TTN: variants seen among roughly 807,000 people sequenced by gnomAD.
The protein encoded by TTN is connectin.
In TTN, 1,525 loss-of-function variants were observed where a neutral mutation model predicts 3,223.0. The observed-to-expected ratio is 0.47, with a 90% CI of 0.45 to 0.49. TTN has a LOEUF of 0.49. Ranked by LOEUF, TTN falls within the 20% of genes least tolerant of loss-of-function variation. TTN has a pLI of 0.00. For missense variants in TTN, 40,786 were observed against 43,424.0 expected, an observed-to-expected ratio of 0.94 and a Z score of 5.40; for synonymous variants, 14,094 against 15,161.0, an observed-to-expected ratio of 0.93 and a Z score of 5.17.
intron 350 of TTN, among the ~76,000 whole-genome samples, chr2:178,540,813 CAAAAG>C (rs1559099047): frequency 2.0e-5 from 3 of 151,942 alleles, no homozygotes; most frequent in African/African-American, 7.3e-5. Flanking sequence ...CACAAAAAAA[CAAAAG>C]AAAGAAAAAA....
At chr2:178,637,342 T>A in intron 224 of TTN, 27 bp downstream of exon 224, 1 of 1,440,356 alleles carries the variant, frequency 6.9e-7, no homozygotes, top group Non-Finnish European at 9.1e-7. Context: ...AAGGTTACAA[T>A]GCAAGTACTA....
Position 178,771,347 on chromosome 2 carries a change from T to C in TTN, c.7980A>G (p.Pro2660=). 6.2e-7 allele frequency: 1 copy of C among 1,614,100 alleles called. No homozygotes were observed. Among genetic ancestry groups the C allele is most frequent in the South Asian group, 1.1e-5 (1 of 91,086 alleles). Residue 2660 remains proline, a synonymous_variant, in exon 34 of 363, where the codon CCA becomes CCG. Transcript: ENST00000589042. ...GEWLRDGKHL[P]LTNNIRSESD... Reference sequence around the variant, plus strand: ...ACTCACTTCTGATGTTGTTAGTCAGTGGTAGGTGTTTGCCATCCCTCAACC... The same window carrying C: ...ACTCACTTCTGATGTTGTTAGTCAGCGGTAGGTGTTTGCCATCCCTCAACC...
rs780885701 is a variant in TTN at position 178,551,746 on chromosome 2, C to G, written c.91154G>C (p.Arg30385Thr). ...CAGACCTTCTACCAGTCCAGTGGCT[C>G]TATATTCTCTTCCAGAGATTGGTGA... Reference protein sequence around the residue: ...NTSPISGREYRATGLVEGLDY... With the variant: ...NTSPISGREYTATGLVEGLDY... The change falls in exon 335 of 363, where the codon AGA (arginine) becomes ACA (threonine). Residue 30385 changes from arginine (R) to threonine (T), a missense_variant. Arg to Thr is a moderately conservative substitution (Grantham distance 71, BLOSUM62 -1). Transcript: ENST00000589042. 2 of 1,613,834 alleles carry G rather than the reference C, an allele frequency of 1.2e-6. No individual in the cohort carries two copies. Among genetic ancestry groups the G allele is most frequent in the East Asian group, 4.5e-5 (2 of 44,872 alleles).
rs1559843233 is a variant in TTN, at chr2:178,617,761, C to G, written c.47572+18G>C. ...TGGATTTCATGCAGTAATTATTTCCCTTTTTTGATGGGCTTACCAATTGGA... is the reference window on the plus strand; with the variant it reads ...TGGATTTCATGCAGTAATTATTTCCGTTTTTTGATGGGCTTACCAATTGGA... On this transcript the variant is annotated intron_variant, in intron 253 of 362. Transcript: ENST00000589042. 1 of 1,610,528 alleles carries G rather than the reference C, an allele frequency of 6.2e-7. No individual in the cohort carries two copies. Among genetic ancestry groups the G allele is most frequent in the South Asian group, 1.1e-5 (1 of 90,504 alleles).
intron 6 of TTN, among the ~76,000 whole-genome samples, chr2:178,797,550 C>T (rs1023987764): frequency 2.6e-5 from 4 of 152,016 alleles, no homozygotes; most frequent in Non-Finnish European, 5.9e-5. Flanking sequence ...TCCCCCAGAT[C>T]CATTTCTTTT....
chr2:178,635,301 C>T lies in TTN; in HGVS notation c.41888G>A (p.Arg13963His), dbSNP rs540582993. ...TATTGGTTTAAGCAGTTCAACTTCA[C>T]GCTCTGTATTGGTCAGGGATGAAGT... ...RYPAKLTLGE[R>H]EVELLKPIED... The change falls in exon 228 of 363, where the codon CGT becomes CAT. Residue 13963 changes from arginine to histidine, a missense_variant. By Grantham distance (29) the Arg-to-His change is conservative. Transcript: ENST00000589042. 1.4e-5 allele frequency: 23 copies of T among 1,612,912 alleles called. No homozygotes were observed. Among genetic ancestry groups the T allele is most frequent in the East Asian group, 4.5e-5 (2 of 44,738 alleles).
chr2:178,779,734 G>GAACTC, intron 22 of TTN: 1 of 533,790 alleles, frequency 1.9e-6, no homozygotes, highest in Non-Finnish European at 3.3e-6. Context: ...TGGCATGAAT[G>GAACTC]AACTCAGCTG....
Position 178,662,375 on chromosome 2 carries a change from C to G in TTN, c.37002G>C (p.Val12334=). The G allele has an allele frequency of 6.8e-7, 1 of 1,476,912 alleles. No homozygotes were observed. The highest frequency in any genetic ancestry group is 2.5e-4 in the Middle Eastern group (1 of 4,068). The allele number at this position is 1,476,912 out of a possible 1,614,324, so 91.5% of individuals were successfully genotyped here. ...PQEATEKEIP[V]APPKKPEAPI... ...GAGCTTCTGGTTTTTTGGGTGGAGC[C>G]ACGGGAATTTCTTTTTCTGTGGCTT... Residue 12334 remains valine, a synonymous_variant, in exon 177 of 363, where the codon GTG becomes GTC. Coordinates refer to ENST00000589042, the MANE Select transcript of TTN (RefSeq NM_001267550.2).
Position 178,657,871 on chromosome 2 carries a change from TA to T in TTN, c.37873+9del. The T allele has an allele frequency of 1.2e-6, 1 of 857,770 alleles. No individual in the cohort carries two copies. Among genetic ancestry groups the T allele is most frequent in the South Asian group, 2.0e-5 (1 of 48,964 alleles). The allele number at this position is 857,770 out of a possible 1,614,324, so 53.1% of individuals were successfully genotyped here. A position where few individuals can be genotyped will look rare whatever the true frequency, so the allele number is the denominator to read the frequency against. ...TTCTTCTGCAGAAAAAGGACAGGGG[TA>T]AAAAATACCTGTGGCAGGTGGGGCT... is the stretch of plus-strand genomic sequence containing the variant. On this transcript the variant is annotated intron_variant, in intron 187 of 362. Transcript: ENST00000589042.
chr2:178,797,839 CT>C (rs1331432724), intron 6 of TTN, among the ~76,000 whole-genome samples: 1 of 151,898 alleles, frequency 6.6e-6, no homozygotes, highest in African/African-American at 2.4e-5. Flanking sequence ...TTTTTAAAAG[CT>C]TTCACCCATA....
rs772987736 is a variant in TTN at position 178,741,779 on chromosome 2, A to G, written c.11454T>C (p.Thr3818=). The change falls in exon 48 of 363, where the codon ACT becomes ACC. Residue 3818 remains threonine (T), a synonymous_variant. Transcript: ENST00000589042. ...PTKFDSEKEG[T]GPIFIKEVSN... is the part of the protein sequence containing the mutation. ...ACACTTCTTTGATGAAAATTGGGCC[A>G]GTGCCTTCCTTTTCGGAATCAAATT... 3 of 1,613,552 alleles carry G rather than the reference A, an allele frequency of 1.9e-6. No homozygotes were observed. Among genetic ancestry groups the G allele is most frequent in the Non-Finnish European group, 2.5e-6 (3 of 1,179,714 alleles).
At position 178,561,475 on chromosome 2, in the gene TTN, A is replaced by G. The variant is rs1703637065; in HGVS notation, c.84657T>C (p.Leu28219=). The part of the protein sequence containing the change: ...IADTQMKVSG[L]DEGLMYEYRV... ...GATACTCATACATCAGTCCTTCATC[A>G]AGGCCGGAGACTTTCATTTGAGTAT... Residue 28219 remains leucine (L), a synonymous_variant, in exon 326 of 363, where the codon CTT becomes CTC. Coordinates refer to ENST00000589042, the MANE Select transcript of TTN (RefSeq NM_001267550.2). The G allele has an allele frequency of 6.2e-7, 1 of 1,613,654 alleles. No individual in the cohort carries two copies. Among genetic ancestry groups the G allele is most frequent in the African/African-American group, 1.3e-5 (1 of 74,920 alleles).
At chr2:178,752,521 G>A (rs757230411) in intron 47 of TTN, among the ~76,000 whole-genome samples, 1 of 151,964 alleles carries the variant, frequency 6.6e-6, no homozygotes, top group Non-Finnish European at 1.5e-5. Flanking sequence ...ATGAGAAGGC[G>A]TTTATTCGAA....
intron 153 of TTN, 50 bp downstream of exon 153, chr2:178,672,585 T>G (rs1355490432): frequency 6.2e-7 from 1 of 1,608,314 alleles, no homozygotes; most frequent in East Asian, 2.2e-5. Flanking sequence ...CATAAAAGTC[T>G]TAACGAAAAA....
intron 6 of TTN, among the ~76,000 whole-genome samples, chr2:178,796,436 A>C (rs1401335707): frequency 1.3e-5 from 2 of 152,204 alleles, no homozygotes; most frequent in African/African-American, 4.8e-5. Context: ...GAGTACCCTA[A>C]CAGTACATTA....
chr2:178,675,220 T>A, intron 149 of TTN, 107 bp from the exon 150 acceptor site: 1 of 634,366 alleles, frequency 1.6e-6, no homozygotes, highest in Non-Finnish European at 2.7e-6. Context: ...ACAAGGCACA[T>A]ACACAAGATG....
At position 178,695,840 on chromosome 2, in the gene TTN, A is replaced by C. The variant is rs1378787406; in HGVS notation, c.31207+25T>G. 4.4e-6 allele frequency: 6 copies of C among 1,371,280 alleles called. No homozygotes were observed. The South Asian group carries it at 1.3e-4, about 30-fold the overall frequency. 84.9% of individuals were successfully genotyped at this position (1,371,280 alleles called of 1,614,324 possible). A position where few individuals can be genotyped will look rare whatever the true frequency, so the allele number is the denominator to read the frequency against. ...TGAGCAAAAATGAAGAAAAGAGGGA[A>C]ACAAGTCATTCAGTTTATACATACC... On this transcript the variant is annotated intron_variant, in intron 114 of 362. Coordinates refer to ENST00000589042, the MANE Select transcript of TTN (RefSeq NM_001267550.2).
rs549356318 is a variant in TTN, at chr2:178,739,914, A to G, written c.13319T>C (p.Met4440Thr). The G allele has an allele frequency of 6.2e-6, 10 of 1,613,900 alleles. No individual in the cohort carries two copies. Among genetic ancestry groups the G allele is most frequent in the African/African-American group, 4.0e-5 (3 of 75,050 alleles). The change falls in exon 48 of 363, where the codon ATG becomes ACG. Residue 4440 changes from methionine (M) to threonine (T), a missense_variant. Transcript: ENST00000589042. Reference protein sequence around the residue: ...VNITQEPRHIMCMYLVTSAKS... With the variant: ...VNITQEPRHITCMYLVTSAKS... The stretch of plus-strand genomic sequence containing the variant: ...TGCCGAAGTAACAAGGTACATGCAC[A>G]TGATGTGTCTGGGCTCTTGGGTGAT...
intron 47 of TTN, chr2:178,745,353 A>C: frequency 7.2e-7 from 1 of 1,383,358 alleles, no homozygotes; most frequent in Non-Finnish European, 9.4e-7. Flanking sequence ...TGTGTTTGAT[A>C]TTACACAGCA....
Sources: gnomAD v4.1 joint callset for allele counts (sites outside exome capture counted in the v4.1 genomes callset) on GRCh38, gnomAD v4.1.1 for gene constraint, MANE v1.5 for transcripts, NCBI Gene and HGNC (gene_info 2026-07-23, HGNC 2026-07-21) for gene names.